CCDC7: variants seen among roughly 807,000 people sequenced by gnomAD.
CCDC7 encodes the protein coiled-coil domain-containing protein 7.
A neutral mutation model predicts 196.9 loss-of-function variants in CCDC7; 183 were observed. That is an observed-to-expected ratio of 0.93 (90% confidence interval 0.82 to 1.05). The LOEUF is 1.05. Among genes scored for constraint, CCDC7 ranks in the 50% least tolerant of loss-of-function variants. CCDC7 has a pLI of 0.00. For synonymous variants in CCDC7, 525 were observed against 484.6 expected (o/e 1.08, Z -1.10); for missense variants, 1,540 against 1,482.2 (o/e 1.04, Z -0.64).
chr10:32,835,157 T>C (rs965543015), intron 33 of CCDC7, among the ~76,000 whole-genome samples: 14 of 152,132 alleles, frequency 9.2e-5, no homozygotes, highest in Admixed American at 8.5e-4. Context: ...TGCTTGATGC[T>C]ATTATTTCAA....
chr10:32,834,878 T>C (rs910278485), exon 33 of CCDC7: 1 of 1,443,898 alleles, frequency 6.9e-7, no homozygotes, highest in Non-Finnish European at 9.7e-7. Context: ...CTAATCAACA[T>C]ACAGTCAAAG....
At chr10:32,736,242 G>T (rs1183758847) in intron 28 of CCDC7, among the ~76,000 whole-genome samples, 1 of 152,084 alleles carries the variant, frequency 6.6e-6, no homozygotes, top group Non-Finnish European at 1.5e-5. Flanking sequence ...ATTGAACTGA[G>T]TTGAAAAGAA....
intron 38 of CCDC7, 43 bp downstream of exon 39, chr10:32,847,959 C>A: frequency 2.4e-6 from 3 of 1,250,396 alleles, no homozygotes; most frequent in Non-Finnish European, 3.5e-6. Context: ...AGTTTATCTT[C>A]TCTGGGGTTT....
chr10:32,585,199 G>A (rs919604569), intron 18 of CCDC7, among the ~76,000 whole-genome samples: 6 of 151,750 alleles, frequency 4.0e-5, no homozygotes, highest in South Asian at 4.2e-4. Context: ...TCAGCCTCCC[G>A]AGTAGCTGGG....
chr10:32,854,532 A>G (rs746205777), intron 41 of CCDC7, 43 bp downstream of exon 42: 9 of 1,243,780 alleles, frequency 7.2e-6, no homozygotes, highest in Admixed American at 6.0e-5. Flanking sequence ...ATAAAACTTT[A>G]TGCTATATTC....
chr10:32,574,504 G>A (rs1202994088), intron 16 of CCDC7: 1 of 1,545,406 alleles, frequency 6.5e-7, no homozygotes, highest in Non-Finnish European at 8.7e-7. Flanking sequence ...GAAGTAAGGA[G>A]ACCCCACCTG....
chr10:32,868,327 C>T (rs113838267), intron 41 of CCDC7, among the ~76,000 whole-genome samples: 24 of 151,912 alleles, frequency 1.6e-4, no homozygotes, highest in African/African-American at 5.8e-4. Context: ...TTTTTGAGAA[C>T]TCACCATACT....
chr10:32,854,813 C>T (rs974608237), intron 41 of CCDC7, among the ~76,000 whole-genome samples: 16 of 152,138 alleles, frequency 1.1e-4, no homozygotes, highest in Non-Finnish European at 2.1e-4. Flanking sequence ...ATTTATTCAA[C>T]GATTCCTCTA....
intron 6 of CCDC7, 79 bp downstream of exon 7, chr10:32,471,309 G>A (rs1313732648): frequency 1.3e-6 from 2 of 1,498,066 alleles, no homozygotes; most frequent in African/African-American, 2.8e-5. Context: ...AAGATAATGG[G>A]TCAGATATGA....
chr10:32,872,929 C>G (rs1040704588), intron 41 of CCDC7, among the ~76,000 whole-genome samples: 2 of 152,094 alleles, frequency 1.3e-5, no homozygotes, highest in African/African-American at 4.8e-5. Flanking sequence ...GATGGGCTTC[C>G]CTTTGTGGGT....
At chr10:32,828,485 GGAA>G (rs68150303) in intron 32 of CCDC7, among the ~76,000 whole-genome samples, 1,392 of 49,436 alleles carry the variant, frequency 0.028, 35 homozygotes, top group Middle Eastern at 0.062. Context: ...AAGAGGAAGA[GGAA>G]GAAGAAGAAG....
At chr10:32,699,898 GTTGT>G (rs1192978588) in intron 24 of CCDC7, among the ~76,000 whole-genome samples, 2 of 149,396 alleles carry the variant, frequency 1.3e-5, no homozygotes, top group Non-Finnish European at 2.9e-5. Context: ...TGTTGATAGG[GTTGT>G]TTGTTTTTTT....
intron 20 of CCDC7, among the ~76,000 whole-genome samples, chr10:32,647,736 T>C (rs2068030893): frequency 6.6e-6 from 1 of 152,208 alleles, no homozygotes; most frequent in Non-Finnish European, 1.5e-5. Context: ...AGGCCTTTGT[T>C]GGAGACATAG....
At chr10:32,845,687 T>G in intron 35 of CCDC7, 61 bp downstream of exon 36, 2 of 1,459,102 alleles carry the variant, frequency 1.4e-6, no homozygotes, top group Non-Finnish European at 1.9e-6. Context: ...GGAGTTAAAT[T>G]AAGTGTGGAC....
intron 28 of CCDC7, among the ~76,000 whole-genome samples, chr10:32,766,550 C>T (rs1021489118): frequency 1.3e-5 from 2 of 152,000 alleles, no homozygotes; most frequent in African/African-American, 4.8e-5. Context: ...GGAGCAAAGC[C>T]ATCTCATTCT....
At chr10:32,527,571 A>G (rs951097387) in intron 11 of CCDC7, among the ~76,000 whole-genome samples, 2 of 152,236 alleles carry the variant, frequency 1.3e-5, no homozygotes, top group Non-Finnish European at 2.9e-5. Flanking sequence ...ATTCTAAAAT[A>G]TATTAAAGTC....
At chr10:32,830,504 T>A (rs2092054098) in intron 32 of CCDC7, among the ~76,000 whole-genome samples, 1 of 152,032 alleles carries the variant, frequency 6.6e-6, no homozygotes, top group South Asian at 2.1e-4. Flanking sequence ...CTTATAAATA[T>A]TTAAAAGAAT....
In CCDC7 at chr10:32,816,703, G is replaced by A. The variant is rs544657535; in HGVS notation, c.3181+2250G>A. Reference sequence around the variant, plus strand: ...CAATATCCGCTGTTCTGCAGCCTCCGCTGCTGATACCCAGGCAAACAGGGT... The same window carrying A: ...CAATATCCGCTGTTCTGCAGCCTCCACTGCTGATACCCAGGCAAACAGGGT... On this transcript the variant is annotated intron_variant, in intron 31 of 41. Transcript: ENST00000639629. Among the ~76,000 whole-genome samples, 14 of 152,264 alleles carry A rather than the reference G, an allele frequency of 9.2e-5. 1 individual carries two copies. The South Asian group carries it at 2.1e-3, about 23-fold the overall frequency.
intron 21 of CCDC7, among the ~76,000 whole-genome samples, chr10:32,680,977 A>G (rs1240827605): frequency 6.6e-6 from 1 of 152,200 alleles, no homozygotes; most frequent in Admixed American, 6.5e-5. Flanking sequence ...GAACTATTAC[A>G]ATGTGTACGC....
Sources: gnomAD v4.1 joint callset for allele counts (sites outside exome capture counted in the v4.1 genomes callset) on GRCh38, gnomAD v4.1.1 for gene constraint, MANE v1.5 for transcripts, NCBI Gene and HGNC (gene_info 2026-07-23, HGNC 2026-07-21) for gene names.